Variants in APBA1 observed in about 807,000 individuals in gnomAD.
APBA1 encodes amyloid-beta A4 precursor protein-binding family A member 1.
Under a neutral mutation model 86.6 loss-of-function variants are expected in APBA1, and 55 were observed. The observed-to-expected ratio is 0.64, with a 90% CI of 0.51 to 0.80. The LOEUF (loss-of-function observed/expected upper bound fraction) is 0.80. Among genes scored for constraint, APBA1 ranks in the 30% least tolerant of loss-of-function variants. The probability of loss-of-function intolerance (pLI) is 0.00; values close to 1 mark genes in which losing one functional copy is unlikely to be tolerated. For synonymous variants in APBA1, 511 were observed against 493.9 expected (o/e 1.03, Z -0.46); for missense variants, 1,090 against 1,183.0 (o/e 0.92, Z 1.15).
intron 1 of APBA1, among the ~76,000 whole-genome samples, chr9:69,579,270 C>T (rs888694403): frequency 3.3e-5 from 5 of 152,134 alleles, no homozygotes; most frequent in African/African-American, 1.2e-4. Context: ...CTGGCCTGCA[C>T]CGGGAGCAGC....
intron 1 of APBA1, among the ~76,000 whole-genome samples, chr9:69,521,888 A>T (rs1015815519): frequency 6.6e-6 from 1 of 152,030 alleles, no homozygotes; most frequent in Non-Finnish European, 1.5e-5. Context: ...TGAGTTGGGC[A>T]GGGTCTGGTA....
chr9:69,590,570 C>T (rs1320037319), intron 1 of APBA1, among the ~76,000 whole-genome samples: 3 of 152,144 alleles, frequency 2.0e-5, no homozygotes, highest in African/African-American at 4.8e-5. Context: ...GGCTGGCTCT[C>T]GAAGGCCTTC....
chr9:69,443,090 T>C (rs1806760), intron 10 of APBA1, among the ~76,000 whole-genome samples: 29,988 of 152,068 alleles, frequency 0.2, 3,078 homozygotes, highest in South Asian at 0.31. Flanking sequence ...AGCTTTACTA[T>C]GCTTGGCCAG....
intron 2 of APBA1, among the ~76,000 whole-genome samples, chr9:69,504,022 C>T (rs1044758590): frequency 6.6e-6 from 1 of 152,106 alleles, no homozygotes; most frequent in South Asian, 2.1e-4. Context: ...TCTAAAAACA[C>T]CTTTATTGTA....
chr9:69,636,210 C>T lies in APBA1; in HGVS notation c.-70+35943G>A, dbSNP rs568509894. ...ACTACAATGAGGTAGCATCCCACCC[C>T]AGTTAAAATGACTTTTATCCAAAAG... On this transcript the variant is annotated intron_variant, in intron 1 of 12. Coordinates refer to ENST00000265381, the MANE Select transcript of APBA1 (RefSeq NM_001163.4). Among the ~76,000 whole-genome samples, 11 of 152,332 alleles carry T rather than the reference C, an allele frequency of 7.2e-5. No homozygotes were observed. The South Asian group carries it at 2.3e-3, about 32-fold the overall frequency.
intron 1 of APBA1, among the ~76,000 whole-genome samples, chr9:69,636,687 G>C (rs979050372): frequency 6.6e-6 from 1 of 151,246 alleles, no homozygotes; most frequent in African/African-American, 2.4e-5. Context: ...CCAACTACCT[G>C]GGAGGCTTAG....
intron 1 of APBA1, among the ~76,000 whole-genome samples, chr9:69,590,768 C>T (rs1176644410): frequency 1.3e-5 from 2 of 152,310 alleles, no homozygotes; most frequent in East Asian, 1.9e-4. Context: ...GCTTCTCACT[C>T]CCAGCTTCGC....
chr9:69,669,296 C>T (rs941970579), intron 1 of APBA1, among the ~76,000 whole-genome samples: 1 of 152,074 alleles, frequency 6.6e-6, no homozygotes, highest in South Asian at 2.1e-4. Context: ...CCTTTTGGCC[C>T]CAGAGGTCAA....
At chr9:69,441,463 G>A (rs1352246530) in intron 10 of APBA1, among the ~76,000 whole-genome samples, 1 of 152,168 alleles carries the variant, frequency 6.6e-6, no homozygotes. Context: ...CTTCAAAGAT[G>A]AAGGAGGCAC....
intron 8 of APBA1, 107 bp downstream of exon 8, chr9:69,456,140 A>G: frequency 8.6e-7 from 1 of 1,162,204 alleles, no homozygotes; most frequent in South Asian, 1.3e-5. Context: ...GACACACAGT[A>G]CGTGCACAAT....
chr9:69,439,695 T>TC (rs1203741240), intron 11 of APBA1, among the ~76,000 whole-genome samples: 1 of 152,202 alleles, frequency 6.6e-6, no homozygotes, highest in Non-Finnish European at 1.5e-5. Flanking sequence ...TAATTTTTTT[T>TC]CAAAGTTTTT....
intron 2 of APBA1, among the ~76,000 whole-genome samples, chr9:69,488,851 G>A (rs947933772): frequency 2.0e-5 from 3 of 152,120 alleles, no homozygotes; most frequent in Non-Finnish European, 4.4e-5. Context: ...CAAACAGAGA[G>A]CCAAATCATG....
intron 1 of APBA1, among the ~76,000 whole-genome samples, chr9:69,671,403 A>T (rs1260728434): frequency 6.6e-6 from 1 of 152,118 alleles, no homozygotes; most frequent in African/African-American, 2.4e-5. Context: ...CAACATGCTC[A>T]CTTCCACATC....
At chr9:69,530,632 G>T (rs1054518634) in intron 1 of APBA1, among the ~76,000 whole-genome samples, 1 of 152,066 alleles carries the variant, frequency 6.6e-6, no homozygotes. Flanking sequence ...CACTATTTGC[G>T]TAATGGATAC....
chr9:69,521,785 T>C (rs774733152), intron 1 of APBA1, among the ~76,000 whole-genome samples: 2 of 152,108 alleles, frequency 1.3e-5, no homozygotes, highest in Non-Finnish European at 2.9e-5. Context: ...AAGGATCAGC[T>C]GTGTTCAAGG....
intron 5 of APBA1, among the ~76,000 whole-genome samples, chr9:69,466,389 G>C (rs1835280790): frequency 6.6e-6 from 1 of 152,212 alleles, no homozygotes; most frequent in Non-Finnish European, 1.5e-5. Context: ...ATCAGCTTGG[G>C]CATGAGGCCC....
chr9:69,654,687 C>T (rs1398349853), intron 1 of APBA1, among the ~76,000 whole-genome samples: 2 of 152,102 alleles, frequency 1.3e-5, no homozygotes, highest in Non-Finnish European at 2.9e-5. Context: ...GAAGGGAATA[C>T]TTCCAAAATC....
chr9:69,636,922 G>GGAAGGAAGGAAGGAAGGAAAGAAAGAAA (rs1331913719), intron 1 of APBA1, among the ~76,000 whole-genome samples: 3 of 63,966 alleles, frequency 4.7e-5, no homozygotes, highest in African/African-American at 6.7e-5. Context: ...AAGGAAGGAA[G>GGAAGGAAGGAAGGAAGGAAAGAAAGAAA]GAAAGAAAGA....
intron 1 of APBA1, among the ~76,000 whole-genome samples, chr9:69,604,248 G>C (rs1822415334): frequency 6.7e-6 from 1 of 148,858 alleles, no homozygotes. Flanking sequence ...GCATATGAGG[G>C]TAAGTGGAGA....
Sources: gnomAD v4.1 joint callset for allele counts (sites outside exome capture counted in the v4.1 genomes callset) on GRCh38, gnomAD v4.1.1 for gene constraint, MANE v1.5 for transcripts, NCBI Gene and HGNC (gene_info 2026-07-23, HGNC 2026-07-21) for gene names.